The following PMFBP1 variants were observed in gnomAD, a reference collection of about 807,000 sequenced individuals.
The protein encoded by PMFBP1 is polyamine modulated factor 1 binding protein 1, also known as polyamine-modulated factor 1-binding protein 1.
In PMFBP1, 131 loss-of-function variants were observed where a neutral mutation model predicts 137.8. That is an observed-to-expected ratio of 0.95 (90% CI 0.82 to 1.10). The LOEUF is 1.10. Ranked by LOEUF, PMFBP1 falls within the 50% of genes least tolerant of loss-of-function variation. PMFBP1 has a pLI of 0.00. For synonymous variants in PMFBP1, 490 were observed against 450.4 expected, an observed-to-expected ratio of 1.09 and a Z score of -1.11; for missense variants, 1,199 against 1,175.4, an observed-to-expected ratio of 1.02 and a Z score of -0.29.
the PMFBP1 span, among the ~76,000 whole-genome samples, chr16:72,210,609 C>A: frequency 6.6e-6 from 1 of 152,132 alleles, no homozygotes; most frequent in Non-Finnish European, 1.5e-5. Flanking sequence ...GCATAATATT[C>A]TTTTTCAAGC....
At chr16:72,163,308 T>A (rs987022920) in intron 3 of PMFBP1, among the ~76,000 whole-genome samples, 4 of 152,226 alleles carry the variant, frequency 2.6e-5, no homozygotes, top group African/African-American at 7.2e-5. Flanking sequence ...CTCCCCAGCT[T>A]ATGTGGAAAA....
At chr16:72,186,792 A>ATT in the PMFBP1 span, among the ~76,000 whole-genome samples, 18 of 152,296 alleles carry the variant, frequency 1.2e-4, no homozygotes, top group South Asian at 8.3e-4. Context: ...AAACACATTT[A>ATT]TAGAAGTTTA....
chr16:72,214,117 T>C, the PMFBP1 span, among the ~76,000 whole-genome samples: 1 of 152,006 alleles, frequency 6.6e-6, no homozygotes, highest in African/African-American at 2.4e-5. Context: ...GCTAGAAGAG[T>C]TGAAAGTGGT....
At chr16:72,181,003 G>A (rs145716557), upstream of PMFBP1, among the ~76,000 whole-genome samples, 2,107 of 152,278 alleles carry the variant, frequency 0.014, 20 homozygotes, top group Non-Finnish European at 0.024. Context: ...CACTTTGGGA[G>A]GCCAAGGCGG....
the PMFBP1 span, among the ~76,000 whole-genome samples, chr16:72,215,407 C>T: frequency 6.6e-6 from 1 of 150,986 alleles, no homozygotes; most frequent in Admixed American, 6.6e-5. Context: ...AAAGAATAGC[C>T]ATTAGTCTGA....
intron 3 of PMFBP1, chr16:72,164,354 C>G: frequency 8.0e-7 from 1 of 1,243,300 alleles, no homozygotes; most frequent in South Asian, 1.2e-5. Flanking sequence ...CCCTGCTACC[C>G]CAATGGACAC....
intron 3 of PMFBP1, 193 bp downstream of exon 3, chr16:72,164,571 G>A: frequency 1.6e-6 from 2 of 1,275,442 alleles, no homozygotes; most frequent in Non-Finnish European, 2.2e-6. Flanking sequence ...GAAAAGTCCT[G>A]AAGGCAGGAC....
chr16:72,242,180 G>A, the PMFBP1 span, among the ~76,000 whole-genome samples: 6 of 152,138 alleles, frequency 3.9e-5, no homozygotes, highest in African/African-American at 1.2e-4. Flanking sequence ...GACTCATCCC[G>A]CAGTGACTGT....
the PMFBP1 span, among the ~76,000 whole-genome samples, chr16:72,215,490 T>G: frequency 6.6e-6 from 1 of 152,156 alleles, no homozygotes. Context: ...GGAAAATAAT[T>G]GACAACCCTG....
At chr16:72,199,590 G>A in the PMFBP1 span, among the ~76,000 whole-genome samples, 6 of 143,328 alleles carry the variant, frequency 4.2e-5, no homozygotes, top group Non-Finnish European at 7.5e-5. Context: ...GGAGGTGGAA[G>A]TTGCAGGGAG....
intron 19 of PMFBP1, among the ~76,000 whole-genome samples, chr16:72,120,664 A>G (rs112388051): frequency 8.1e-4 from 124 of 152,340 alleles, no homozygotes; most frequent in African/African-American, 2.9e-3. Context: ...GAGAGGAAAG[A>G]TAATTTAGCG....
intron 3 of PMFBP1, among the ~76,000 whole-genome samples, chr16:72,160,576 T>C (rs767758232): frequency 6.6e-6 from 1 of 152,158 alleles, no homozygotes; most frequent in Admixed American, 6.5e-5. Context: ...GAATCCCTAA[T>C]GATTTTTTTT....
At chr16:72,186,463 GAGA>G in the PMFBP1 span, among the ~76,000 whole-genome samples, 45 of 152,168 alleles carry the variant, frequency 3.0e-4, no homozygotes, top group Non-Finnish European at 1.9e-4. Context: ...GAAGCTGGAA[GAGA>G]AGGAGAGGCT....
At chr16:72,161,113 TTTG>T (rs2043055663) in intron 3 of PMFBP1, among the ~76,000 whole-genome samples, 1 of 150,798 alleles carries the variant, frequency 6.6e-6, no homozygotes. Flanking sequence ...TTTTTTTTTT[TTTG>T]AGATGGAATC....
chr16:72,119,923 A>C lies in PMFBP1; in HGVS notation c.2935T>G (p.Trp979Gly), dbSNP rs1186645092. 1 of 1,614,064 alleles carries C rather than the reference A, an allele frequency of 6.2e-7. No homozygotes were observed. Among genetic ancestry groups the C allele is most frequent in the African/African-American group, 1.3e-5 (1 of 74,920 alleles). ...QREKVCGTLG[W>G]KGLPQDMGQR... ...CCCATATCCTGGGGCAACCCCTTCC[A>C]GCCCAAGGTGCCGCACACTTTCTCC... is the stretch of plus-strand genomic sequence containing the variant. The change falls in exon 20 of 21, where the codon TGG (tryptophan) becomes GGG (glycine). Residue 979 changes from tryptophan (W) to glycine (G), a missense_variant. By Grantham distance (184) the Trp-to-Gly change is radical. Coordinates refer to ENST00000237353, the MANE Select transcript of PMFBP1 (RefSeq NM_031293.3).
At chr16:72,245,863 C>T in the PMFBP1 span, among the ~76,000 whole-genome samples, 5 of 152,204 alleles carry the variant, frequency 3.3e-5, no homozygotes, top group African/African-American at 4.8e-5. Flanking sequence ...TGTATTTGAA[C>T]ACCCAGCATG....
chr16:72,217,006 T>A, the PMFBP1 span, among the ~76,000 whole-genome samples: 2 of 152,196 alleles, frequency 1.3e-5, no homozygotes, highest in Non-Finnish European at 2.9e-5. Flanking sequence ...TGAGCTGGAA[T>A]GAAGTGACTG....
the PMFBP1 span, among the ~76,000 whole-genome samples, chr16:72,190,842 G>A: frequency 6.6e-6 from 1 of 152,180 alleles, no homozygotes; most frequent in Non-Finnish European, 1.5e-5. Context: ...ATTTAATACA[G>A]GAAGCTTTAT....
At chr16:72,242,489 A>G in the PMFBP1 span, among the ~76,000 whole-genome samples, 1 of 152,232 alleles carries the variant, frequency 6.6e-6, no homozygotes, top group African/African-American at 2.4e-5. Flanking sequence ...ACAAAAATCT[A>G]TAGAACCTTT....
Sources: gnomAD v4.1 joint callset for allele counts (sites outside exome capture counted in the v4.1 genomes callset) on GRCh38, gnomAD v4.1.1 for gene constraint, MANE v1.5 for transcripts, NCBI Gene and HGNC (gene_info 2026-07-23, HGNC 2026-07-21) for gene names.